STRN3: variants seen among roughly 807,000 people sequenced by gnomAD.
STRN3 encodes striatin 3.
A neutral mutation model predicts 95.6 loss-of-function variants in STRN3; 29 were observed. That is an observed-to-expected ratio of 0.30 (90% CI 0.23 to 0.41). STRN3 has a LOEUF of 0.41. Ranked by LOEUF, STRN3 falls within the 10% of genes least tolerant of loss-of-function variation. The probability of loss-of-function intolerance (pLI) is 1.00; values close to 1 mark genes in which losing one functional copy is unlikely to be tolerated. For missense variants in STRN3, 890 were observed against 972.1 expected, an observed-to-expected ratio of 0.92 and a Z score of 1.12; for synonymous variants, 331 against 357.6, an observed-to-expected ratio of 0.93 and a Z score of 0.84.
At chr14:31,006,278 G>T (rs1392927851) in intron 1 of STRN3, among the ~76,000 whole-genome samples, 1 of 152,064 alleles carries the variant, frequency 6.6e-6, no homozygotes, top group Non-Finnish European at 1.5e-5. Context: ...ATCTAGGCTG[G>T]GTATGGTGGC....
chr14:30,975,836 T>TAAAAAA (rs528570710), intron 1 of STRN3, among the ~76,000 whole-genome samples: 1 of 113,144 alleles, frequency 8.8e-6, no homozygotes, highest in Non-Finnish European at 1.7e-5. Flanking sequence ...CCTGGCTCTT[T>TAAAAAA]AAAAAAAAAA....
chr14:30,944,724 C>T (rs570378516), intron 5 of STRN3, among the ~76,000 whole-genome samples: 1 of 149,990 alleles, frequency 6.7e-6, no homozygotes, highest in South Asian at 2.1e-4. Context: ...TTCAAGCGAT[C>T]CTCCCACCTC....
intron 1 of STRN3, among the ~76,000 whole-genome samples, chr14:30,980,327 G>A (rs766718339): frequency 6.6e-6 from 1 of 152,142 alleles, no homozygotes; most frequent in Non-Finnish European, 1.5e-5. Flanking sequence ...GGTCACCAGC[G>A]TAAAACTTTC....
chr14:30,936,678 T>C (rs1182215348), intron 5 of STRN3, 54 bp from the exon 6 acceptor site: 2 of 1,553,116 alleles, frequency 1.3e-6, no homozygotes, highest in Admixed American at 2.1e-5. Context: ...GGTTCTAATA[T>C]TTCTTTCTGG....
intron 8 of STRN3, among the ~76,000 whole-genome samples, chr14:30,923,689 AT>A (rs1158664713): frequency 1.3e-5 from 2 of 152,182 alleles, no homozygotes; most frequent in Non-Finnish European, 2.9e-5. Flanking sequence ...TTTAAATTTT[AT>A]AGGTATAATA....
intron 5 of STRN3, among the ~76,000 whole-genome samples, chr14:30,939,072 A>T (rs1878965815): frequency 6.6e-6 from 1 of 152,180 alleles, no homozygotes; most frequent in African/African-American, 2.4e-5. Flanking sequence ...CCTTTGCCCA[A>T]GTCCCACAAG....
chr14:31,025,816 C>G, intron 1 of STRN3, 88 bp downstream of exon 1: 3 of 1,519,298 alleles, frequency 2.0e-6, no homozygotes, highest in African/African-American at 1.4e-5. Flanking sequence ...CCCAAGGCGC[C>G]GGCTCCGGCT....
At chr14:30,944,282 T>C (rs1200235686) in intron 5 of STRN3, among the ~76,000 whole-genome samples, 8 of 152,018 alleles carry the variant, frequency 5.3e-5, no homozygotes, top group African/African-American at 1.9e-4. Flanking sequence ...TTTGATAATA[T>C]TTCCGCTTTT....
intron 1 of STRN3, among the ~76,000 whole-genome samples, chr14:30,991,385 C>T (rs1881946782): frequency 6.6e-6 from 1 of 152,128 alleles, no homozygotes; most frequent in Non-Finnish European, 1.5e-5. Context: ...AATACAATCC[C>T]TACCCTCACA....
intron 1 of STRN3, among the ~76,000 whole-genome samples, chr14:31,016,789 C>T (rs961436252): frequency 6.6e-6 from 1 of 152,112 alleles, no homozygotes. Context: ...GTGATCCACC[C>T]GCTTTGGCCT....
chr14:30,913,314 CTAGT>C (rs2138994512), intron 10 of STRN3, among the ~76,000 whole-genome samples: 1 of 151,980 alleles, frequency 6.6e-6, no homozygotes, highest in Admixed American at 6.5e-5. Context: ...TCTCAAACTT[CTAGT>C]TAATCCACCA....
intron 1 of STRN3, among the ~76,000 whole-genome samples, chr14:31,011,996 C>T (rs1340634660): frequency 4.6e-5 from 7 of 151,970 alleles, no homozygotes; most frequent in East Asian, 1.9e-4. Flanking sequence ...GCAGAAGAAT[C>T]GCTTGAATCC....
chr14:30,952,636 A>G (rs892393367), intron 3 of STRN3, among the ~76,000 whole-genome samples: 18 of 151,698 alleles, frequency 1.2e-4, no homozygotes, highest in Admixed American at 3.9e-4. Flanking sequence ...GGAGACAGAG[A>G]TTGCATTGAG....
intron 1 of STRN3, among the ~76,000 whole-genome samples, chr14:31,024,768 C>T (rs779305394): frequency 3.3e-5 from 5 of 152,184 alleles, no homozygotes; most frequent in Admixed American, 6.5e-5. Context: ...GCAAATACTG[C>T]TTACCCCCTA....
At chr14:30,979,130 A>AAT (rs1393840541) in intron 1 of STRN3, among the ~76,000 whole-genome samples, 1 of 152,082 alleles carries the variant, frequency 6.6e-6, no homozygotes, top group African/African-American at 2.4e-5. Context: ...ATGCAATAGT[A>AAT]ATAAACATTT....
chr14:30,997,845 C>G lies in STRN3; in HGVS notation c.282+28059G>C, dbSNP rs545510101. Among the ~76,000 whole-genome samples the G allele has an allele frequency of 8.7e-4, 133 of 152,198 alleles. 1 individual carries two copies. The Middle Eastern group carries it at 0.024, about 27-fold the overall frequency. ...GTCAGCAAAAAAGGCAGAGTGGAGA[C>G]CTCTGAAAATCTCTCCTTCATAAAA... On this transcript the variant is annotated intron_variant, in intron 1 of 17. Transcript: ENST00000357479.
At chr14:31,025,656 G>C (rs1271322493) in intron 1 of STRN3, 2 of 586,166 alleles carry the variant, frequency 3.4e-6, no homozygotes, top group Admixed American at 6.8e-5. Flanking sequence ...CATACTAAAA[G>C]CCAAAATGGC....
intron 1 of STRN3, among the ~76,000 whole-genome samples, chr14:31,021,729 A>G (rs1384006931): frequency 6.6e-6 from 1 of 152,212 alleles, no homozygotes; most frequent in Non-Finnish European, 1.5e-5. Flanking sequence ...GTGTTGGTTA[A>G]GTACATACGG....
chr14:31,015,877 T>C (rs1883214894), intron 1 of STRN3, among the ~76,000 whole-genome samples: 1 of 152,286 alleles, frequency 6.6e-6, no homozygotes, highest in East Asian at 1.9e-4. Flanking sequence ...TGGATCACCG[T>C]AGCCACAACC....
Sources: gnomAD v4.1 joint callset for allele counts (sites outside exome capture counted in the v4.1 genomes callset) on GRCh38, gnomAD v4.1.1 for gene constraint, MANE v1.5 for transcripts, NCBI Gene and HGNC (gene_info 2026-07-23, HGNC 2026-07-21) for gene names.